TECRL: variants seen among roughly 807,000 people sequenced by gnomAD.
The protein encoded by TECRL is trans-2,3-enoyl-CoA reductase-like.
A neutral mutation model predicts 52.8 loss-of-function variants in TECRL; 63 were observed. That is an observed-to-expected ratio of 1.19 (90% CI 0.97 to 1.47). TECRL has a LOEUF of 1.47. Ranked by LOEUF, TECRL falls within the 40% of genes most tolerant of loss-of-function variation. The pLI is 0.00. For synonymous variants in TECRL, 164 were observed against 141.9 expected, an observed-to-expected ratio of 1.16 and a Z score of -1.10; for missense variants, 482 against 429.6, an observed-to-expected ratio of 1.12 and a Z score of -1.08.
intron 5 of TECRL, among the ~76,000 whole-genome samples, chr4:64,311,514 A>T (rs575223743): frequency 9.7e-4 from 147 of 152,244 alleles, no homozygotes; most frequent in Non-Finnish European, 1.7e-3. Flanking sequence ...GAGTAATAAA[A>T]TTTTTTTGTT....
chr4:64,286,000 T>TA (rs1331634515), intron 9 of TECRL, among the ~76,000 whole-genome samples: 3 of 152,140 alleles, frequency 2.0e-5, no homozygotes, highest in Non-Finnish European at 4.4e-5. Context: ...ACCTCATCTG[T>TA]AAAAAACTAT....
At chr4:64,295,920 T>A (rs1723654402) in intron 8 of TECRL, among the ~76,000 whole-genome samples, 1 of 151,948 alleles carries the variant, frequency 6.6e-6, no homozygotes. Context: ...TCCCCAAAAA[T>A]TTAAGTATAA....
At chr4:64,396,542 A>C (rs1458695403) in intron 1 of TECRL, among the ~76,000 whole-genome samples, 1 of 151,848 alleles carries the variant, frequency 6.6e-6, no homozygotes, top group African/African-American at 2.4e-5. Flanking sequence ...TTCCTTATAG[A>C]TCTTGGATAT....
At chr4:64,369,263 G>T (rs1053668560) in intron 2 of TECRL, among the ~76,000 whole-genome samples, 1 of 152,048 alleles carries the variant, frequency 6.6e-6, no homozygotes, top group Non-Finnish European at 1.5e-5. Flanking sequence ...TCTCAAAGGA[G>T]AATATTTCGT....
At chr4:64,343,904 T>A (rs1719760390) in intron 2 of TECRL, among the ~76,000 whole-genome samples, 1 of 151,936 alleles carries the variant, frequency 6.6e-6, no homozygotes, top group South Asian at 2.1e-4. Flanking sequence ...TTTAACCTGC[T>A]TTCATTTGTA....
chr4:64,398,554 A>T (rs1724125461), intron 1 of TECRL, among the ~76,000 whole-genome samples: 1 of 152,140 alleles, frequency 6.6e-6, no homozygotes, highest in Non-Finnish European at 1.5e-5. Context: ...AAGATTCCTG[A>T]GGCCTCCCCA....
chr4:64,302,553 T>A (rs1724082393), intron 7 of TECRL, among the ~76,000 whole-genome samples: 1 of 150,968 alleles, frequency 6.6e-6, no homozygotes, highest in Admixed American at 6.6e-5. Flanking sequence ...GAATATGTGA[T>A]TAAAGATTAA....
At chr4:64,389,237 A>G (rs1396854868) in intron 1 of TECRL, among the ~76,000 whole-genome samples, 10 of 151,912 alleles carry the variant, frequency 6.6e-5, no homozygotes, top group African/African-American at 2.4e-4. Context: ...ATTAAAAATG[A>G]CGTGACCTGT....
intron 2 of TECRL, among the ~76,000 whole-genome samples, chr4:64,339,504 A>G (rs891427706): frequency 3.3e-5 from 5 of 151,984 alleles, no homozygotes; most frequent in African/African-American, 9.7e-5. Flanking sequence ...AATGCATATC[A>G]CTAGACTTTA....
intron 1 of TECRL, among the ~76,000 whole-genome samples, chr4:64,393,905 A>T (rs1244432506): frequency 6.6e-6 from 1 of 152,076 alleles, no homozygotes; most frequent in Non-Finnish European, 1.5e-5. Context: ...AGATAAAAAT[A>T]AAATGTTACA....
At position 64,347,252 on chromosome 4, in the gene TECRL, C is replaced by T. The variant is rs1311109492; in HGVS notation, c.287-18696G>A. On this transcript the variant is annotated intron_variant, in intron 2 of 11. Transcript: ENST00000381210. Reference sequence around the variant, plus strand: ...GGAATCTTTGAGTCACATAAAAGAACACTGACTTATCTGGAAAAAAGTAAA... The same window carrying T: ...GGAATCTTTGAGTCACATAAAAGAATACTGACTTATCTGGAAAAAAGTAAA... Among the ~76,000 whole-genome samples the T allele has an allele frequency of 3.9e-5, 6 of 152,146 alleles. No individual in the cohort carries two copies. The South Asian group carries it at 1.2e-3, about 32-fold the overall frequency.
chr4:64,299,929 A>G (rs1723911454), intron 8 of TECRL, 45 bp downstream of exon 8: 2 of 1,278,784 alleles, frequency 1.6e-6, no homozygotes, highest in South Asian at 1.7e-5. Flanking sequence ...TCTTAATAAT[A>G]CCAAAATTAG....
intron 2 of TECRL, among the ~76,000 whole-genome samples, chr4:64,343,505 A>G (rs28435507): frequency 0.029 from 4,443 of 152,120 alleles, 106 homozygotes; most frequent in African/African-American, 0.064. Context: ...GAAATCAAAG[A>G]AACATTTATC....
At position 64,322,752 on chromosome 4, in the gene TECRL, A is replaced by G. The variant is rs1277535915; in HGVS notation, c.372T>C (p.Ile124=). The G allele has an allele frequency of 6.2e-7, 1 of 1,612,272 alleles. No individual in the cohort carries two copies. The highest frequency in any genetic ancestry group is 8.5e-7 in the Non-Finnish European group (1 of 1,179,130). ...ACAGTGTGACAATGGAGGAAGCTGC[A>G]ATACTTTGAATGGTAATGTAGTCCT... ...FLKDYITIQS[I]AASSIVTLYA... is the part of the protein sequence containing the mutation. Residue 124 remains isoleucine, a synonymous_variant, in exon 4 of 12, where the codon ATT becomes ATC. Transcript: ENST00000381210.
At chr4:64,403,801 AG>A (rs1162114049) in intron 1 of TECRL, among the ~76,000 whole-genome samples, 2 of 150,698 alleles carry the variant, frequency 1.3e-5, no homozygotes, top group Non-Finnish European at 3.0e-5. Flanking sequence ...GAGGAGGAAA[AG>A]GGGGGCAGGA....
chr4:64,315,141 C>CT (rs1213076242), intron 4 of TECRL, among the ~76,000 whole-genome samples: 1 of 151,968 alleles, frequency 6.6e-6, no homozygotes, highest in African/African-American at 2.4e-5. Flanking sequence ...GCTAGAGTAT[C>CT]TTTTTTCTTT....
Position 64,375,411 on chromosome 4 carries a change from A to T in TECRL, c.235-188T>A, listed in dbSNP as rs188414624. On this transcript the variant is annotated intron_variant, in intron 1 of 11. Coordinates refer to ENST00000381210, the MANE Select transcript of TECRL (RefSeq NM_001010874.5). ...GCAATCAGTAACAATATAATTTTTT[A>T]AAAAAATTTGTTTGTATACAACAGT... Among the ~76,000 whole-genome samples, 1,184 of 152,010 alleles carry T rather than the reference A, an allele frequency of 7.8e-3. 13 individuals are homozygous for T. The highest frequency in any genetic ancestry group is 0.026 in the African/African-American group (1,099 of 41,530).
At chr4:64,355,769 T>G (rs1720724971) in intron 2 of TECRL, among the ~76,000 whole-genome samples, 2 of 130,738 alleles carry the variant, frequency 1.5e-5, no homozygotes, top group African/African-American at 5.5e-5. Context: ...CACTCCAGCC[T>G]GGGCAACAGA....
chr4:64,369,936 T>C (rs1284211770), intron 2 of TECRL, among the ~76,000 whole-genome samples: 4 of 151,840 alleles, frequency 2.6e-5, no homozygotes, highest in Non-Finnish European at 1.5e-5. Flanking sequence ...TGATTAACTA[T>C]AATATTTAAA....
Sources: gnomAD v4.1 joint callset for allele counts (sites outside exome capture counted in the v4.1 genomes callset) on GRCh38, gnomAD v4.1.1 for gene constraint, MANE v1.5 for transcripts, NCBI Gene and HGNC (gene_info 2026-07-23, HGNC 2026-07-21) for gene names.